SDK1: variants seen among roughly 807,000 people sequenced by gnomAD.
The protein encoded by SDK1 is sidekick cell adhesion molecule 1, also known as protein sidekick-1.
Under a neutral mutation model 245.5 loss-of-function variants are expected in SDK1, and 157 were observed. The observed-to-expected ratio is 0.64, with a 90% CI of 0.56 to 0.73. The LOEUF is 0.73. Ranked by LOEUF, SDK1 falls within the 30% of genes least tolerant of loss-of-function variation. The pLI, the probability that SDK1 is intolerant of heterozygous loss-of-function variation, is 0.00. For missense variants in SDK1, 3,583 were observed against 3,002.3 expected (o/e 1.19, Z -4.52); for synonymous variants, 1,647 against 1,278.5 (o/e 1.29, Z -6.15).
chr7:3,609,731 C>T (rs543246842), intron 1 of SDK1, among the ~76,000 whole-genome samples: 14 of 139,640 alleles, frequency 1.0e-4, no homozygotes, highest in Middle Eastern at 8.1e-3. Flanking sequence ...GACAGAGTCT[C>T]ACTCCCTTAC....
chr7:3,780,395 A>G (rs1470629565), intron 4 of SDK1, among the ~76,000 whole-genome samples: 3 of 152,236 alleles, frequency 2.0e-5, no homozygotes, highest in African/African-American at 7.2e-5. Context: ...GGTAGAAACA[A>G]AGAAAGGAGG....
chr7:3,651,146 T>TA (rs397774726), intron 4 of SDK1, among the ~76,000 whole-genome samples: 4 of 151,472 alleles, frequency 2.6e-5, no homozygotes, highest in Admixed American at 6.6e-5. Context: ...TTTTTTTTTT[T>TA]AAATGCCAAA....
At chr7:4,183,904 C>G (rs1298355655) in intron 35 of SDK1, among the ~76,000 whole-genome samples, 1 of 152,226 alleles carries the variant, frequency 6.6e-6, no homozygotes, top group Non-Finnish European at 1.5e-5. Context: ...ACACCCAAAA[C>G]AACTCACACA....
In SDK1 at chr7:3,571,476, A is replaced by C. The variant is rs114027679; in HGVS notation, c.299-47604A>C. Among the ~76,000 whole-genome samples the C allele has an allele frequency of 1.1e-3, 171 of 151,856 alleles. 2 individuals are homozygous for C. Among genetic ancestry groups the C allele is most frequent in the African/African-American group, 4.0e-3 (167 of 41,450 alleles). ...TACCACCATGCCCAGCTAATTTAAA[A>C]ATTTTTTTTGTACAGACAGGGTCTT... On this transcript the variant is annotated intron_variant, in intron 1 of 44. Transcript: ENST00000404826.
At chr7:4,022,878 G>A (rs183176268) in intron 17 of SDK1, among the ~76,000 whole-genome samples, 208 of 150,448 alleles carry the variant, frequency 1.4e-3, no homozygotes, top group Middle Eastern at 0.011. Flanking sequence ...GGTTCACGCC[G>A]TTCTCCTGCC....
intron 2 of SDK1, 136 bp downstream of exon 2, chr7:3,619,375 T>G: frequency 1.5e-6 from 1 of 679,004 alleles, no homozygotes; most frequent in Non-Finnish European, 2.4e-6. Flanking sequence ...AGGAATAGAT[T>G]TGAATATGTA....
intron 17 of SDK1, among the ~76,000 whole-genome samples, chr7:4,036,104 A>C (rs1788194346): frequency 6.6e-6 from 1 of 152,190 alleles, no homozygotes; most frequent in African/African-American, 2.4e-5. Context: ...TTTAATGATA[A>C]CCTCTTCAAA....
chr7:3,706,047 C>A (rs1470955709), intron 4 of SDK1, among the ~76,000 whole-genome samples: 1 of 152,034 alleles, frequency 6.6e-6, no homozygotes, highest in South Asian at 2.1e-4. Flanking sequence ...GTTTTTAATT[C>A]TTTTTATGTG....
intron 17 of SDK1, among the ~76,000 whole-genome samples, chr7:4,047,716 A>G (rs1343348792): frequency 2.0e-5 from 3 of 152,188 alleles, no homozygotes; most frequent in Non-Finnish European, 4.4e-5. Context: ...ACGGGTGAGC[A>G]GGACCCATCC....
At position 4,158,440 on chromosome 7, in the gene SDK1, C is replaced by T. The variant is rs201486360; in HGVS notation, c.4626-8C>T. 2.7e-3 allele frequency: 4,288 copies of T among 1,609,624 alleles called. 29 individuals are homozygous for T. Among genetic ancestry groups the T allele is most frequent in the South Asian group, 0.01 (926 of 90,984 alleles). ...GCCCCGGCAGTCACGGTCTCTTCCA[C>T]ATTGCAGACTGAGGCCCTTCACCTC... On this transcript the variant is annotated splice_polypyrimidine_tract_variant and splice_region_variant and intron_variant, in intron 30 of 44. Transcript: ENST00000404826.
chr7:4,198,626 C>G (rs1783715093), intron 35 of SDK1, among the ~76,000 whole-genome samples: 1 of 152,118 alleles, frequency 6.6e-6, no homozygotes, highest in Non-Finnish European at 1.5e-5. Flanking sequence ...GCAACAAAGC[C>G]CTTACATCCC....
rs76770862 is a variant in SDK1 at position 3,733,643 on chromosome 7, T to A, written c.714-87807T>A. Among the ~76,000 whole-genome samples, 1,245 of 152,310 alleles carry A rather than the reference T, an allele frequency of 8.2e-3. 21 individuals carry two copies. Among genetic ancestry groups the A allele is most frequent in the African/African-American group, 0.028 (1,163 of 41,564 alleles). ...ATGTCTGTCTCACTTGGCTTTGTTT[T>A]TCTAGCCCTTACTACAGTGACTAGT... On this transcript the variant is annotated intron_variant, in intron 4 of 44. Transcript: ENST00000404826.
At chr7:3,354,890 C>G (rs780982824) in intron 1 of SDK1, among the ~76,000 whole-genome samples, 2 of 152,200 alleles carry the variant, frequency 1.3e-5, no homozygotes, top group Admixed American at 6.5e-5. Flanking sequence ...TTAAAGAGGC[C>G]TCACTGCTGT....
intron 1 of SDK1, among the ~76,000 whole-genome samples, chr7:3,373,557 CA>C (rs1781280070): frequency 4.6e-5 from 7 of 151,802 alleles, no homozygotes; most frequent in Middle Eastern, 3.2e-3. Context: ...TAGTCAACAT[CA>C]TTTATGACAG....
chr7:4,180,157 T>G (rs992724752), intron 35 of SDK1, among the ~76,000 whole-genome samples: 1 of 151,922 alleles, frequency 6.6e-6, no homozygotes, highest in Non-Finnish European at 1.5e-5. Context: ...AGCAAACAGC[T>G]CCAGCTCTAT....
At chr7:3,327,326 A>G (rs1779962520) in intron 1 of SDK1, among the ~76,000 whole-genome samples, 2 of 152,154 alleles carry the variant, frequency 1.3e-5, no homozygotes, top group South Asian at 4.1e-4. Flanking sequence ...GGAAGGTTTC[A>G]GGGATAACAA....
rs1782474060 is a variant in SDK1 at position 3,508,613 on chromosome 7, C to T, written c.299-110467C>T. Among the ~76,000 whole-genome samples the T allele has an allele frequency of 3.3e-5, 5 of 152,132 alleles. No individual in the cohort carries two copies. In the South Asian group the frequency reaches 1.0e-3, roughly 32 times the overall value. ...AAAGTGTTGGGATTACAGGTGTGAG[C>T]CACCCCGCCCAGCCTTACATCATCA... On this transcript the variant is annotated intron_variant, in intron 1 of 44. Transcript: ENST00000404826.
intron 41 of SDK1, among the ~76,000 whole-genome samples, chr7:4,233,884 C>A (rs1327584573): frequency 1.3e-5 from 2 of 152,164 alleles, no homozygotes; most frequent in African/African-American, 4.8e-5. Flanking sequence ...TGTGCACCGG[C>A]AATTCCTAAT....
intron 1 of SDK1, among the ~76,000 whole-genome samples, chr7:3,501,457 G>A (rs11972798): frequency 0.095 from 14,471 of 151,942 alleles, 1,013 homozygotes; most frequent in African/African-American, 0.19. Context: ...TGGCCTGTGC[G>A]TAAAATGCTT....
Sources: gnomAD v4.1 joint callset for allele counts (sites outside exome capture counted in the v4.1 genomes callset) on GRCh38, gnomAD v4.1.1 for gene constraint, MANE v1.5 for transcripts, NCBI Gene and HGNC (gene_info 2026-07-23, HGNC 2026-07-21) for gene names.